Variants in RBFOX1 observed in about 807,000 individuals in gnomAD.
RBFOX1 encodes RNA binding fox-1 homolog 1, also known as RNA binding protein fox-1 homolog 1.
Under a neutral mutation model 57.7 loss-of-function variants are expected in RBFOX1, and 8 were observed. That is an observed-to-expected ratio of 0.14 (90% CI 0.08 to 0.25). The LOEUF (loss-of-function observed/expected upper bound fraction) is 0.25. RBFOX1 is among the 10% of genes least tolerant of loss of function. The pLI is 1.00. For synonymous variants in RBFOX1, 326 were observed against 222.4 expected, an observed-to-expected ratio of 1.47 and a Z score of -4.15; for missense variants, 611 against 548.5, an observed-to-expected ratio of 1.11 and a Z score of -1.14.
intron 4 of RBFOX1, among the ~76,000 whole-genome samples, chr16:7,112,513 A>G (rs889967635): frequency 6.6e-5 from 10 of 151,992 alleles, no homozygotes; most frequent in African/African-American, 2.4e-4. Context: ...AGCCTAACAA[A>G]CATTCTTTTA....
chr16:6,106,560 G>T (rs1028408817), intron 1 of RBFOX1, among the ~76,000 whole-genome samples: 2 of 151,940 alleles, frequency 1.3e-5, no homozygotes, highest in African/African-American at 4.8e-5. Context: ...TCAATGAGAC[G>T]GTCATGGACT....
chr16:6,320,947 C>T, intron 2 of RBFOX1, among the ~76,000 whole-genome samples: 1 of 152,118 alleles, frequency 6.6e-6, no homozygotes, highest in Non-Finnish European at 1.5e-5. Context: ...GCACCCACCA[C>T]CATGCCCAGC....
At chr16:6,656,901 A>ACCTGTCCTCTCCTCC (rs1568077752) in intron 3 of RBFOX1, among the ~76,000 whole-genome samples, 1 of 35,056 alleles carries the variant, frequency 2.9e-5, no homozygotes, top group African/African-American at 1.3e-4. Flanking sequence ...TCCTCCCCTC[A>ACCTGTCCTCTCCTCC]ACTCTCCTCT....
At chr16:5,910,194 C>G (rs1266136015) in intron 4 of RBFOX1, among the ~76,000 whole-genome samples, 3 of 152,078 alleles carry the variant, frequency 2.0e-5, no homozygotes, top group Non-Finnish European at 4.4e-5. Flanking sequence ...GAATGGTCAC[C>G]AAAGGTTCTC....
At chr16:7,016,268 C>T (rs746487593) in intron 3 of RBFOX1, among the ~76,000 whole-genome samples, 15 of 152,176 alleles carry the variant, frequency 9.9e-5, no homozygotes, top group Non-Finnish European at 2.2e-4. Context: ...TCCCCAAGAT[C>T]TGTCTCGGAC....
chr16:6,915,441 C>G (rs938657959), intron 3 of RBFOX1, among the ~76,000 whole-genome samples: 3 of 152,148 alleles, frequency 2.0e-5, no homozygotes, highest in African/African-American at 4.8e-5. Context: ...TTCTTATTTC[C>G]TTGATAACTT....
chr16:6,659,286 C>G (rs1004189393), intron 3 of RBFOX1, among the ~76,000 whole-genome samples: 45 of 151,910 alleles, frequency 3.0e-4, no homozygotes, highest in African/African-American at 1.1e-3. Flanking sequence ...ATCGCCTGGC[C>G]TGGTGCAGCT....
rs543926653 is a variant in RBFOX1, at chr16:6,236,503, C to T, written c.-126-80492C>T. On this transcript the variant is annotated intron_variant, in intron 1 of 15. Transcript: ENST00000550418. ...AGGCTGGAGTGCAGCAGCGCCATCT[C>T]GGCTCACTGCAACCTCTGTCTCCTG... is the stretch of plus-strand genomic sequence containing the variant. Among the ~76,000 whole-genome samples, 23 of 151,706 alleles carry T rather than the reference C, an allele frequency of 1.5e-4. No homozygotes were observed. In the East Asian group the frequency reaches 1.9e-3, roughly 13 times the overall value.
chr16:5,705,899 C>T (rs368806464), intron 3 of RBFOX1, among the ~76,000 whole-genome samples: 1 of 152,074 alleles, frequency 6.6e-6, no homozygotes, highest in African/African-American at 2.4e-5. Flanking sequence ...ATGAACTGAT[C>T]GTGTTGCTTT....
At chr16:7,077,996 G>T (rs1444708404) in intron 4 of RBFOX1, among the ~76,000 whole-genome samples, 1 of 152,134 alleles carries the variant, frequency 6.6e-6, no homozygotes, top group Admixed American at 6.5e-5. Context: ...TTACTCTGGG[G>T]CCCGGTGAAT....
chr16:5,522,531 T>A (rs116411608), intron 2 of RBFOX1, among the ~76,000 whole-genome samples: 2,022 of 152,358 alleles, frequency 0.013, 25 homozygotes, highest in Middle Eastern at 0.088. Flanking sequence ...ATTTATTATT[T>A]CGATGTGTTG....
At chr16:7,509,414 G>GTGTGTGTT (rs1567582289) in intron 4 of RBFOX1, among the ~76,000 whole-genome samples, 1 of 131,118 alleles carries the variant, frequency 7.6e-6, no homozygotes, top group African/African-American at 2.9e-5. Context: ...GTGTGTGTGT[G>GTGTGTGTT]TGTGTGTGTG....
chr16:5,926,472 A>G (rs2058943498), intron 4 of RBFOX1, among the ~76,000 whole-genome samples: 1 of 152,150 alleles, frequency 6.6e-6, no homozygotes, highest in Non-Finnish European at 1.5e-5. Context: ...TAGGGATGCC[A>G]GAAGTCCTGC....
At chr16:6,389,571 C>T (rs1462059483) in intron 2 of RBFOX1, among the ~76,000 whole-genome samples, 1 of 152,064 alleles carries the variant, frequency 6.6e-6, no homozygotes, top group African/African-American at 2.4e-5. Context: ...GTTCTAGGAA[C>T]CTGTGATCTT....
At chr16:5,359,264 T>C (rs1280460703) in intron 1 of RBFOX1, among the ~76,000 whole-genome samples, 1 of 152,254 alleles carries the variant, frequency 6.6e-6, no homozygotes, top group Non-Finnish European at 1.5e-5. Flanking sequence ...GGAACAGTGC[T>C]GTACCTGGCA....
chr16:7,302,098 T>G (rs2096049251), intron 4 of RBFOX1, among the ~76,000 whole-genome samples: 1 of 152,034 alleles, frequency 6.6e-6, no homozygotes. Context: ...ACTTTCCCAC[T>G]CCCCTGGATG....
intron 4 of RBFOX1, among the ~76,000 whole-genome samples, chr16:7,201,151 G>A (rs9925093): frequency 0.34 from 51,524 of 151,990 alleles, 9,905 homozygotes; most frequent in African/African-American, 0.53. Context: ...AGGAATTGGG[G>A]CAAGGGTTGG....
intron 4 of RBFOX1, among the ~76,000 whole-genome samples, chr16:7,361,616 A>G (rs2097323033): frequency 6.6e-6 from 1 of 152,200 alleles, no homozygotes; most frequent in Non-Finnish European, 1.5e-5. Context: ...TAACTAAAGC[A>G]ACCAAACACA....
chr16:6,812,300 C>T (rs1296837755), intron 3 of RBFOX1, among the ~76,000 whole-genome samples: 1 of 152,162 alleles, frequency 6.6e-6, no homozygotes, highest in Non-Finnish European at 1.5e-5. Context: ...CTAGGACGGT[C>T]TACTAACAGA....
Sources: allele counts gnomAD v4.1 joint callset (sites outside exome capture counted in the v4.1 genomes callset), GRCh38; gene constraint gnomAD v4.1.1; transcripts MANE v1.5; gene names NCBI Gene and HGNC (gene_info 2026-07-23, HGNC 2026-07-21).